Variants in NINL observed in about 807,000 individuals in gnomAD.
The protein encoded by NINL is ninein-like protein.
In NINL, 153 loss-of-function variants were observed where a neutral mutation model predicts 160.3. The observed-to-expected ratio is 0.95, with a 90% CI of 0.84 to 1.09. The LOEUF is 1.09. NINL is among the 50% of genes least tolerant of loss of function. The pLI is 0.00. For synonymous variants in NINL, 800 were observed against 734.8 expected, an observed-to-expected ratio of 1.09 and a Z score of -1.43; for missense variants, 1,829 against 1,764.0, an observed-to-expected ratio of 1.04 and a Z score of -0.66.
At chr20:25,522,930 T>C (rs569266547) in intron 2 of NINL, among the ~76,000 whole-genome samples, 37 of 152,340 alleles carry the variant, frequency 2.4e-4, no homozygotes, top group African/African-American at 8.7e-4. Context: ...AGAGGTACTT[T>C]CAACTTCAAA....
At chr20:25,507,650 T>C (rs937254829) in intron 5 of NINL, among the ~76,000 whole-genome samples, 1 of 152,120 alleles carries the variant, frequency 6.6e-6, no homozygotes, top group African/African-American at 2.4e-5. Context: ...CATGTGGGTG[T>C]GAATTACTGA....
intron 13 of NINL, among the ~76,000 whole-genome samples, chr20:25,487,974 G>A (rs967721233): frequency 1.3e-5 from 2 of 152,244 alleles, no homozygotes; most frequent in Non-Finnish European, 2.9e-5. Context: ...GCGTGCTCAG[G>A]TGAGCAGGGA....
At chr20:25,569,709 G>A (rs929815158) in intron 1 of NINL, among the ~76,000 whole-genome samples, 1 of 152,208 alleles carries the variant, frequency 6.6e-6, no homozygotes, top group African/African-American at 2.4e-5. Flanking sequence ...CAGAAGGCAT[G>A]GCCTGGTGTG....
At chr20:25,486,457 C>G (rs2063505849) in intron 13 of NINL, among the ~76,000 whole-genome samples, 2 of 152,186 alleles carry the variant, frequency 1.3e-5, no homozygotes. Flanking sequence ...AAGGTTATCT[C>G]TAGGTTCTGA....
intron 1 of NINL, among the ~76,000 whole-genome samples, chr20:25,536,747 C>G (rs2064563166): frequency 5.3e-5 from 1 of 18,750 alleles, no homozygotes; most frequent in Admixed American, 8.5e-4. Context: ...CCAGTAAAAG[C>G]CCAGACAACA....
intron 10 of NINL, among the ~76,000 whole-genome samples, 200 bp downstream of exon 10, chr20:25,496,463 C>T (rs918785374): frequency 6.6e-6 from 1 of 152,228 alleles, no homozygotes; most frequent in Non-Finnish European, 1.5e-5. Context: ...CCAGGCACTG[C>T]ACCAACCCCA....
At chr20:25,528,179 A>T (rs2064390972) in intron 1 of NINL, among the ~76,000 whole-genome samples, 1 of 152,102 alleles carries the variant, frequency 6.6e-6, no homozygotes, top group African/African-American at 2.4e-5. Context: ...ATGGATGCAT[A>T]CCACCGTGCC....
At position 25,453,774 on chromosome 20, in the gene NINL, G is replaced by C. The variant is rs941688019; in HGVS notation, c.3958-132C>G. 3.9e-6 allele frequency: 3 copies of C among 769,458 alleles called. No homozygotes were observed. The Admixed American group carries it at 9.6e-5, about 25-fold the overall frequency. 47.7% of individuals were successfully genotyped at this position (769,458 alleles called of 1,614,324 possible). A position where few individuals can be genotyped will look rare whatever the true frequency, so the allele number is the denominator to read the frequency against. ...CTCTTAGAAATCTGACCCAAGGCCG[G>C]GGGCAGTGGTTCACGCCTGTAATCC... On this transcript the variant is annotated intron_variant, in intron 23 of 23. Coordinates refer to ENST00000278886, the MANE Select transcript of NINL (RefSeq NM_025176.6).
intron 4 of NINL, among the ~76,000 whole-genome samples, chr20:25,511,296 G>A (rs1420462528): frequency 6.6e-6 from 1 of 152,160 alleles, no homozygotes; most frequent in Non-Finnish European, 1.5e-5. Context: ...ACAGCGCCTG[G>A]TAACCACCTC....
chr20:25,515,697 T>A (rs978537143), intron 3 of NINL, among the ~76,000 whole-genome samples: 3 of 152,198 alleles, frequency 2.0e-5, no homozygotes, highest in Non-Finnish European at 4.4e-5. Context: ...GAGGCAGAAC[T>A]TCCCCCTTGC....
At chr20:25,532,642 C>T (rs1393192400) in intron 1 of NINL, among the ~76,000 whole-genome samples, 2 of 152,226 alleles carry the variant, frequency 1.3e-5, no homozygotes, top group East Asian at 3.8e-4. Flanking sequence ...GCGTCTCAGA[C>T]TCTGCCCAGA....
At chr20:25,478,785 G>A in intron 16 of NINL, 138 bp downstream of exon 16, 1 of 883,110 alleles carries the variant, frequency 1.1e-6, no homozygotes, top group Non-Finnish European at 1.7e-6. Context: ...TGTTCTTTTG[G>A]CACTCACCCA....
At chr20:25,524,108 G>A (rs970079687) in intron 2 of NINL, among the ~76,000 whole-genome samples, 5 of 152,228 alleles carry the variant, frequency 3.3e-5, no homozygotes, top group African/African-American at 7.2e-5. Flanking sequence ...TCTGTATGAC[G>A]TTCCACCTAT....
chr20:25,477,031 G>A lies in NINL; in HGVS notation c.2260C>T (p.Arg754Cys), dbSNP rs1291771564. The A allele has an allele frequency of 2.1e-5, 33 of 1,599,302 alleles. No homozygotes were observed. The highest frequency in any genetic ancestry group is 2.6e-5 in the Non-Finnish European group (31 of 1,179,700). Reference sequence around the variant, plus strand: ...TCCAGCTCCAAGGTCAGGTCTCTGCGAGCGGGCAGGGCTCCCAGCCCCGAC... The same window carrying A: ...TCCAGCTCCAAGGTCAGGTCTCTGCAAGCGGGCAGGGCTCCCAGCCCCGAC... Reference protein sequence around the residue: ...ELSGLGALPARRDLTLELEEP... With the variant: ...ELSGLGALPACRDLTLELEEP... The change falls in exon 17 of 24, where the codon CGC becomes TGC. Residue 754 changes from arginine to cysteine, a missense_variant. By Grantham distance (180) the Arg-to-Cys change is radical. Transcript: ENST00000278886.
At chr20:25,575,396 G>A (rs544433729) in intron 1 of NINL, among the ~76,000 whole-genome samples, 2 of 147,154 alleles carry the variant, frequency 1.4e-5, no homozygotes, top group South Asian at 2.2e-4. Flanking sequence ...GCAGTGAGCC[G>A]AGATTGCGCC....
rs142315808 is a variant in NINL, at chr20:25,455,046, G to A, written c.3957+627C>T. On this transcript the variant is annotated intron_variant, in intron 23 of 23. Coordinates refer to ENST00000278886, the MANE Select transcript of NINL (RefSeq NM_025176.6). ...CCTACCAGTTCACACCAGCCATGGCGGCCTCCTCCATGGCTGTCCGCTGCC... is the reference window on the plus strand; with the variant it reads ...CCTACCAGTTCACACCAGCCATGGCAGCCTCCTCCATGGCTGTCCGCTGCC... Among the ~76,000 whole-genome samples the A allele has an allele frequency of 3.2e-4, 48 of 152,092 alleles. 2 individuals carry two copies. In the East Asian group the frequency reaches 8.0e-3, roughly 25 times the overall value.
intron 5 of NINL, among the ~76,000 whole-genome samples, chr20:25,507,272 T>G (rs1308905863): frequency 6.6e-6 from 1 of 151,982 alleles, no homozygotes; most frequent in Non-Finnish European, 1.5e-5. Context: ...TTGCAGGTGG[T>G]GCTGTGTCCT....
At chr20:25,495,825 C>T (rs6050650) in intron 10 of NINL, among the ~76,000 whole-genome samples, 20 of 152,300 alleles carry the variant, frequency 1.3e-4, no homozygotes, top group East Asian at 9.6e-4. Flanking sequence ...TGAACCAGTG[C>T]GGTGGTTGTA....
intron 21 of NINL, 108 bp downstream of exon 21, chr20:25,461,414 C>A: frequency 1.5e-6 from 1 of 688,666 alleles, no homozygotes; most frequent in Non-Finnish European, 2.5e-6. Flanking sequence ...CCCAGCAGCG[C>A]AACTACTTCT....
Sources: allele counts gnomAD v4.1 joint callset (sites outside exome capture counted in the v4.1 genomes callset), GRCh38; gene constraint gnomAD v4.1.1; transcripts MANE v1.5; gene names NCBI Gene and HGNC (gene_info 2026-07-23, HGNC 2026-07-21).